NUAK2: variants seen among roughly 807,000 people sequenced by gnomAD.
The protein encoded by NUAK2 is NUAK family kinase 2.
A neutral mutation model predicts 29.8 loss-of-function variants in NUAK2; 20 were observed. The ratio of observed to expected loss-of-function variants is 0.67; its 90% CI spans 0.47 to 0.98. The LOEUF (loss-of-function observed/expected upper bound fraction) is 0.98. Ranked by LOEUF, NUAK2 falls within the 50% of genes least tolerant of loss-of-function variation. The pLI is 0.00. For synonymous variants in NUAK2, 331 were observed against 342.6 expected (o/e 0.97, Z 0.37); for missense variants, 719 against 834.5 (o/e 0.86, Z 1.71).
Position 205,321,673 on chromosome 1 carries a change from G to A in NUAK2, c.-45C>T. 2.0e-6 allele frequency: 3 copies of A among 1,522,808 alleles called. No homozygotes were observed. Among genetic ancestry groups the A allele is most frequent in the South Asian group, 1.2e-5 (1 of 86,158 alleles). The allele number at this position is 1,522,808 out of a possible 1,614,324, so 94.3% of individuals were successfully genotyped here. On this transcript the variant is annotated 5_prime_UTR_variant, in exon 1 of 7. Transcript: ENST00000367157. ...AGGGCGGCAGGGGAATCAGTAGGCT[G>A]TGCGGGGAGGGCTGAAGCGCGGGGC...
Position 205,308,281 on chromosome 1 carries a change from G to A in NUAK2, c.505-51C>T. On this transcript the variant is annotated intron_variant, in intron 3 of 6. Coordinates refer to ENST00000367157, the MANE Select transcript of NUAK2 (RefSeq NM_030952.3). The surrounding 1 kb of genome is among the most constrained non-coding windows in gnomAD (Gnocchi z 4.1). ...GGAAGGTCACCAGGGAAGGGAAGATGATGAGGGGCCCAGTCTGGAGACTGA... is the reference window on the plus strand; with the variant it reads ...GGAAGGTCACCAGGGAAGGGAAGATAATGAGGGGCCCAGTCTGGAGACTGA... The A allele has an allele frequency of 7.3e-7, 1 of 1,370,990 alleles. No homozygotes were observed. The highest frequency in any genetic ancestry group is 1.0e-6 in the Non-Finnish European group (1 of 987,534). 84.9% of individuals were successfully genotyped at this position (1,370,990 alleles called of 1,614,324 possible). A position where few individuals can be genotyped will look rare whatever the true frequency, so the allele number is the denominator to read the frequency against.
chr1:205,320,959 C>T (rs1262579259), intron 1 of NUAK2, among the ~76,000 whole-genome samples: 2 of 152,182 alleles, frequency 1.3e-5, no homozygotes, highest in Non-Finnish European at 2.9e-5. Context: ...GAAATCCACA[C>T]CTCATCCATT....
intron 6 of NUAK2, 130 bp downstream of exon 6, chr1:205,305,069 T>C: frequency 8.6e-7 from 1 of 1,169,070 alleles, no homozygotes. Flanking sequence ...CGGTGGAGGG[T>C]ACCCTAACCT....
intron 1 of NUAK2, 86 bp downstream of exon 1, chr1:205,321,312 G>T (rs962229993): frequency 1.1e-5 from 13 of 1,229,728 alleles, no homozygotes; most frequent in Non-Finnish European, 1.4e-5. Context: ...GCCGAGCAAC[G>T]AGCGAGCCGC....
At chr1:205,309,842 C>T (rs1662232554) in intron 2 of NUAK2, among the ~76,000 whole-genome samples, 1 of 152,178 alleles carries the variant, frequency 6.6e-6, no homozygotes, top group Non-Finnish European at 1.5e-5. Flanking sequence ...TACACAGAAG[C>T]AATCAATACA....
rs538628158 is a variant in NUAK2, at chr1:205,302,375, T to A, written c.*1075A>T. 6.6e-6 allele frequency: 1 copy of A among 152,670 alleles called. No homozygotes were observed. Among genetic ancestry groups the A allele is most frequent in the Non-Finnish European group, 1.5e-5 (1 of 68,070 alleles). The allele number at this position is 152,670 out of a possible 1,614,324, so 9.5% of individuals were successfully genotyped here. A position where few individuals can be genotyped will look rare whatever the true frequency, so the allele number is the denominator to read the frequency against. On this transcript the variant is annotated 3_prime_UTR_variant, in exon 7 of 7. Transcript: ENST00000367157. ...GAGAACACATCCATAGTCTGGACTTTAGAGCAGCTTAGAGGCAGAAGTTCT... is the reference window on the plus strand; with the variant it reads ...GAGAACACATCCATAGTCTGGACTTAAGAGCAGCTTAGAGGCAGAAGTTCT...
intron 4 of NUAK2, among the ~76,000 whole-genome samples, chr1:205,306,821 T>C (rs1662187779): frequency 1.3e-5 from 2 of 152,108 alleles, no homozygotes; most frequent in Non-Finnish European, 2.9e-5. Flanking sequence ...GTCAGCCAGA[T>C]GGAGGGGGAA....
intron 5 of NUAK2, 59 bp downstream of exon 5, chr1:205,306,129 A>C: frequency 6.6e-7 from 1 of 1,520,704 alleles, no homozygotes; most frequent in Non-Finnish European, 8.8e-7. Flanking sequence ...TCAATCTCCC[A>C]GGATCTAAAG....
intron 2 of NUAK2, among the ~76,000 whole-genome samples, chr1:205,310,484 C>T (rs17345997): frequency 0.18 from 26,882 of 152,092 alleles, 2,471 homozygotes; most frequent in Admixed American, 0.2. Context: ...GTTCTTATGT[C>T]TGTTGAATCT....
chr1:205,319,968 A>ACCCAACTG (rs1662387357), intron 1 of NUAK2, among the ~76,000 whole-genome samples: 1 of 147,808 alleles, frequency 6.8e-6, no homozygotes, highest in African/African-American at 2.5e-5. Flanking sequence ...CACAACCAGC[A>ACCCAACTG]CCCAACTGGA....
intron 2 of NUAK2, among the ~76,000 whole-genome samples, chr1:205,310,606 G>GAC (rs1036086122): frequency 2.0e-5 from 3 of 151,978 alleles, no homozygotes; most frequent in Non-Finnish European, 4.4e-5. Context: ...CACACATGCA[G>GAC]ACACACACAC....
Position 205,303,848 on chromosome 1 carries a change from G to A in NUAK2, c.1489C>T (p.His497Tyr). The change falls in exon 7 of 7, where the codon CAT becomes TAT. Residue 497 changes from histidine (H) to tyrosine (Y), a missense_variant. Physicochemically the swap from His to Tyr is moderately conservative, Grantham distance 83. Around this residue, in one of 3 missense-constraint regions of NUAK2, gnomAD observed 430 missense variants for 465.7 expected, o/e 0.92. Coordinates refer to ENST00000367157, the MANE Select transcript of NUAK2 (RefSeq NM_030952.3). ...TTGAGTTTGAGGATGCCTTTGCGAT[G>A]GAGGAGCAGCCCTGAAGCTTGCGGA... ...KPPQASGLLL[H>Y]RKGILKLNGK... 1 of 1,610,360 alleles carries A rather than the reference G, an allele frequency of 6.2e-7. No homozygotes were observed.
At chr1:205,306,888 A>G (rs946928452) in intron 4 of NUAK2, among the ~76,000 whole-genome samples, 11 of 152,282 alleles carry the variant, frequency 7.2e-5, no homozygotes, top group Non-Finnish European at 1.3e-4. Context: ...CCTATAACCA[A>G]TGAACCACGT....
At chr1:205,312,797 T>G (rs1307714508) in intron 1 of NUAK2, among the ~76,000 whole-genome samples, 4 of 152,160 alleles carry the variant, frequency 2.6e-5, no homozygotes, top group Non-Finnish European at 5.9e-5. Context: ...AGTGAGACCC[T>G]GTCTATAAAA....
At chr1:205,320,322 T>C (rs1332408341) in intron 1 of NUAK2, among the ~76,000 whole-genome samples, 2 of 152,244 alleles carry the variant, frequency 1.3e-5, no homozygotes, top group Non-Finnish European at 2.9e-5. Flanking sequence ...TGGAGTGCAG[T>C]GGCACGATCT....
At chr1:205,319,351 C>T (rs749676499) in intron 1 of NUAK2, among the ~76,000 whole-genome samples, 5 of 152,196 alleles carry the variant, frequency 3.3e-5, no homozygotes, top group Non-Finnish European at 5.9e-5. Context: ...TGCCTAAATC[C>T]ACTTAAGTTT....
chr1:205,317,588 A>T (rs552728927), intron 1 of NUAK2, among the ~76,000 whole-genome samples: 1 of 152,246 alleles, frequency 6.6e-6, no homozygotes, highest in South Asian at 2.1e-4. Flanking sequence ...CCTCCTTGCC[A>T]TCCTCCAGCC....
Position 205,306,392 on chromosome 1 carries a change from T to C in NUAK2, c.571-85A>G, listed in dbSNP as rs190230876. ...TCTTGGCCCGCCCTTCTCCAGACCC[T>C]GGGGAAACCCAAGCTCCAATAGAAG... On this transcript the variant is annotated intron_variant, in intron 4 of 6. Transcript: ENST00000367157. The C allele has an allele frequency of 8.1e-4, 1,215 of 1,508,564 alleles. 14 individuals carry two copies. The African/African-American group carries it at 0.015, about 19-fold the overall frequency. The allele number at this position is 1,508,564 out of a possible 1,614,324, so 93.4% of individuals were successfully genotyped here.
At position 205,303,164 on chromosome 1, in the gene NUAK2, C is replaced by T. The variant is rs7550061; in HGVS notation, c.*286G>A. The T allele has an allele frequency of 0.17, 43,142 of 250,636 alleles. 4,890 individuals are homozygous for T. The highest frequency in any genetic ancestry group is 0.36 in the African/African-American group (16,000 of 44,606). 15.5% of individuals were successfully genotyped at this position (250,636 alleles called of 1,614,324 possible). ...TCTCTTTCCAGGTCTCTGTGGCCCC[C>T]CCATGTACACAAGAAACAGGCAATG... On this transcript the variant is annotated 3_prime_UTR_variant, in exon 7 of 7. Coordinates refer to ENST00000367157, the MANE Select transcript of NUAK2 (RefSeq NM_030952.3).
Sources: allele counts gnomAD v4.1 joint callset (sites outside exome capture counted in the v4.1 genomes callset), GRCh38; gene constraint gnomAD v4.1.1; regional missense constraint gnomAD v4.1.1; non-coding constraint Gnocchi (gnomAD v3.1); transcripts MANE v1.5; gene names NCBI Gene and HGNC (gene_info 2026-07-23, HGNC 2026-07-21).